The following ADGRB3 variants were observed in gnomAD, a reference collection of about 807,000 sequenced individuals.
ADGRB3 encodes adhesion G protein-coupled receptor B3.
ADGRB3 carries 37 observed loss-of-function variants against 193.4 expected under a neutral mutation model. The observed-to-expected ratio is 0.19, with a 90% CI of 0.15 to 0.25. ADGRB3 has a LOEUF of 0.25. Among genes scored for constraint, ADGRB3 ranks in the 10% least tolerant of loss-of-function variants. The pLI, the probability that ADGRB3 is intolerant of heterozygous loss-of-function variation, is 1.00. For missense variants in ADGRB3, 1,637 were observed against 1,852.9 expected (o/e 0.88, Z 2.14); for synonymous variants, 690 against 644.2 (o/e 1.07, Z -1.08).
chr6:69,288,918 G>A (rs1156545002), intron 20 of ADGRB3, among the ~76,000 whole-genome samples: 1 of 152,062 alleles, frequency 6.6e-6, no homozygotes, highest in Admixed American at 6.6e-5. Context: ...CTTCTCTTTT[G>A]TACTCCATAC....
Position 68,944,011 on chromosome 6 carries a change from T to G in ADGRB3, c.1195+17T>G. ...TTTGCCCAGGTGAGCCTATTCTGCA[T>G]TTGGTTATGTTTGCATTATGTGCTT... On this transcript the variant is annotated intron_variant, in intron 6 of 31. Transcript: ENST00000370598. 6.3e-7 allele frequency: 1 copy of G among 1,577,626 alleles called. No homozygotes were observed. The highest frequency in any genetic ancestry group is 8.7e-7 in the Non-Finnish European group (1 of 1,154,948).
At chr6:69,172,568 T>C (rs550190205) in intron 17 of ADGRB3, among the ~76,000 whole-genome samples, 83 of 125,108 alleles carry the variant, frequency 6.6e-4, no homozygotes, top group Non-Finnish European at 1.1e-3. Flanking sequence ...GGCGTGAACC[T>C]GGGAGGCGGA....
At chr6:68,954,542 C>G (rs1367697807) in intron 6 of ADGRB3, among the ~76,000 whole-genome samples, 1 of 152,140 alleles carries the variant, frequency 6.6e-6, no homozygotes, top group Admixed American at 6.6e-5. Flanking sequence ...TAGTAACTTT[C>G]TAATCTCTCC....
intron 3 of ADGRB3, among the ~76,000 whole-genome samples, chr6:68,841,469 A>G (rs1768157825): frequency 6.6e-6 from 1 of 152,206 alleles, no homozygotes. Context: ...TTCAAACTAT[A>G]CAAGCTCATG....
intron 10 of ADGRB3, among the ~76,000 whole-genome samples, chr6:68,991,763 C>T (rs1646913851): frequency 6.6e-6 from 1 of 152,050 alleles, no homozygotes; most frequent in Admixed American, 6.6e-5. Flanking sequence ...CTAGCTTCTG[C>T]TAATTATCTT....
chr6:68,752,226 A>G (rs1766212658), intron 3 of ADGRB3, among the ~76,000 whole-genome samples: 1 of 151,620 alleles, frequency 6.6e-6, no homozygotes, highest in African/African-American at 2.4e-5. Context: ...TAGTATAGGA[A>G]TTGATTTGGC....
intron 3 of ADGRB3, among the ~76,000 whole-genome samples, chr6:68,787,188 AT>A (rs1562029543): frequency 2.6e-5 from 4 of 152,096 alleles, no homozygotes; most frequent in African/African-American, 9.7e-5. Flanking sequence ...TTCCAACACT[AT>A]GTTGAATAGG....
chr6:69,203,292 CT>C (rs1765471066), intron 17 of ADGRB3, among the ~76,000 whole-genome samples: 2 of 152,058 alleles, frequency 1.3e-5, no homozygotes, highest in African/African-American at 4.8e-5. Context: ...ATTGAGTAAG[CT>C]TTTAGCAACT....
At position 68,788,429 on chromosome 6, in the gene ADGRB3, G is replaced by T. The variant is rs531682967; in HGVS notation, c.758-142130G>T. ...CATTATTTACTCAGTAGTCATTCAG[G>T]AACAGGTTGTTGAGTTTCCATGTAG... is the stretch of plus-strand genomic sequence containing the variant. On this transcript the variant is annotated intron_variant, in intron 3 of 31. Coordinates refer to ENST00000370598, the MANE Select transcript of ADGRB3 (RefSeq NM_001704.3). 1.4e-4 allele frequency among the ~76,000 whole-genome samples: 22 copies of T among 152,262 alleles called. 1 individual carries two copies. Among genetic ancestry groups the T allele is most frequent in the African/African-American group, 4.8e-4 (20 of 41,560 alleles).
chr6:69,328,793 G>A (rs1768641804), intron 22 of ADGRB3, among the ~76,000 whole-genome samples: 1 of 152,090 alleles, frequency 6.6e-6, no homozygotes, highest in African/African-American at 2.4e-5. Flanking sequence ...AATTCTGATA[G>A]CATAGATGGC....
intron 3 of ADGRB3, among the ~76,000 whole-genome samples, chr6:68,818,367 G>A (rs1023282359): frequency 5.9e-5 from 9 of 151,974 alleles, no homozygotes; most frequent in African/African-American, 2.2e-4. Context: ...AAAGCATTTA[G>A]CACTATGCCT....
At chr6:68,969,424 C>G (rs1768490778) in intron 8 of ADGRB3, among the ~76,000 whole-genome samples, 1 of 152,030 alleles carries the variant, frequency 6.6e-6, no homozygotes, top group Non-Finnish European at 1.5e-5. Flanking sequence ...TAAATATGAG[C>G]CGTGATGGGA....
intron 19 of ADGRB3, 118 bp downstream of exon 19, chr6:69,235,253 A>G: frequency 1.2e-6 from 1 of 804,252 alleles, no homozygotes; most frequent in Non-Finnish European, 2.0e-6. Flanking sequence ...CAGTATTTTT[A>G]CAACAGAGTT....
chr6:68,751,551 A>G (rs1766199406), intron 3 of ADGRB3, among the ~76,000 whole-genome samples: 1 of 152,204 alleles, frequency 6.6e-6, no homozygotes, highest in East Asian at 1.9e-4. Flanking sequence ...GTTGTCTCTT[A>G]GCTATTATAA....
chr6:69,254,829 A>T (rs1432822262), intron 20 of ADGRB3, among the ~76,000 whole-genome samples: 5 of 148,908 alleles, frequency 3.4e-5, no homozygotes, highest in Non-Finnish European at 5.9e-5. Context: ...CTAGCATTAG[A>T]TATATCTCCC....
intron 3 of ADGRB3, among the ~76,000 whole-genome samples, chr6:68,812,428 T>C (rs1767529486): frequency 6.6e-6 from 1 of 152,176 alleles, no homozygotes; most frequent in Admixed American, 6.6e-5. Flanking sequence ...TAGATAATTA[T>C]ATGACTTGCC....
intron 20 of ADGRB3, among the ~76,000 whole-genome samples, chr6:69,240,944 A>G (rs892930544): frequency 4.6e-5 from 7 of 152,030 alleles, no homozygotes; most frequent in Non-Finnish European, 7.4e-5. Flanking sequence ...AAAGCCAGCT[A>G]GAGCTCAGAG....
intron 3 of ADGRB3, among the ~76,000 whole-genome samples, chr6:68,801,752 C>G (rs977220380): frequency 1.3e-5 from 2 of 152,078 alleles, no homozygotes; most frequent in Non-Finnish European, 2.9e-5. Flanking sequence ...ATACCAAGAG[C>G]TCAGTGCTCT....
intron 17 of ADGRB3, among the ~76,000 whole-genome samples, chr6:69,122,494 A>AGGGGGG (rs1773739170): frequency 2.6e-3 from 10 of 3,822 alleles, no homozygotes; most frequent in Non-Finnish European, 4.8e-3. Flanking sequence ...GGGGAGGGGG[A>AGGGGGG]GGGGGAGAGG....
Sources: allele counts gnomAD v4.1 joint callset (sites outside exome capture counted in the v4.1 genomes callset), GRCh38; gene constraint gnomAD v4.1.1; transcripts MANE v1.5; gene names NCBI Gene and HGNC (gene_info 2026-07-23, HGNC 2026-07-21).